BIRC6: variants seen among roughly 807,000 people sequenced by gnomAD.
BIRC6 encodes the protein dual E2 ubiquitin-conjugating enzyme/E3 ubiquitin-protein ligase BIRC6.
Under a neutral mutation model 503.3 loss-of-function variants are expected in BIRC6, and 98 were observed. The ratio of observed to expected loss-of-function variants is 0.19; its 90% CI spans 0.17 to 0.23. BIRC6 has a LOEUF of 0.23. BIRC6 is among the 10% of genes least tolerant of loss of function. The pLI is 1.00. For synonymous variants in BIRC6, 2,240 were observed against 2,078.7 expected, an observed-to-expected ratio of 1.08 and a Z score of -2.11; for missense variants, 5,360 against 5,806.0, an observed-to-expected ratio of 0.92 and a Z score of 2.50.
At chr2:32,440,422 C>G (rs1384759802) in intron 16 of BIRC6, among the ~76,000 whole-genome samples, 1 of 152,148 alleles carries the variant, frequency 6.6e-6, no homozygotes, top group Non-Finnish European at 1.5e-5. Context: ...GGTTGATTTT[C>G]TGAAAGTAGC....
chr2:32,443,797 C>T (rs968579477), intron 20 of BIRC6, among the ~76,000 whole-genome samples: 3 of 152,144 alleles, frequency 2.0e-5, no homozygotes, highest in African/African-American at 7.2e-5. Flanking sequence ...GGAGCAGTTA[C>T]GTTAATATCA....
At chr2:32,542,146 A>G (rs2057711053) in intron 61 of BIRC6, among the ~76,000 whole-genome samples, 1 of 152,050 alleles carries the variant, frequency 6.6e-6, no homozygotes, top group Non-Finnish European at 1.5e-5. Flanking sequence ...ACACATGTAT[A>G]CATACATGTA....
At chr2:32,510,477 G>C in intron 52 of BIRC6, 49 bp from the exon 53 acceptor site, 1 of 1,101,322 alleles carries the variant, frequency 9.1e-7, no homozygotes, top group Non-Finnish European at 1.4e-6. Context: ...TCTTCCCATG[G>C]TTAACTTGCT....
intron 57 of BIRC6, chr2:32,523,489 T>C (rs2149846285): frequency 6.6e-6 from 1 of 152,346 alleles, no homozygotes; most frequent in South Asian, 2.1e-4. Flanking sequence ...TGTCAGTATG[T>C]TTGCCATTTT....
intron 15 of BIRC6, among the ~76,000 whole-genome samples, chr2:32,437,450 C>G (rs937898344): frequency 6.6e-6 from 1 of 152,172 alleles, no homozygotes; most frequent in African/African-American, 2.4e-5. Flanking sequence ...AAGAAAATAA[C>G]TGACCAACTA....
chr2:32,596,397 T>C (rs1034386088), intron 68 of BIRC6, among the ~76,000 whole-genome samples: 1 of 151,408 alleles, frequency 6.6e-6, no homozygotes, highest in Non-Finnish European at 1.5e-5. Context: ...GGAGAATCAT[T>C]TGAACCCGGG....
intron 1 of BIRC6, among the ~76,000 whole-genome samples, chr2:32,363,560 A>G (rs1279175796): frequency 6.6e-6 from 1 of 152,116 alleles, no homozygotes; most frequent in Admixed American, 6.6e-5. Context: ...TACTTCCTGA[A>G]ATAATGCCCC....
rs553047711 is a variant in BIRC6, at chr2:32,561,723, G to GTATA, written c.13144+12256_13144+12259dup. Among the ~76,000 whole-genome samples the GTATA allele has an allele frequency of 3.0e-3, 442 of 145,536 alleles. 2 individuals carry two copies. Among genetic ancestry groups the GTATA allele is most frequent in the African/African-American group, 7.9e-3 (313 of 39,668 alleles). Reference sequence around the variant, plus strand: ...TATGAAGAAATAATGCTTTAATCATGTATATATATATATATATTTATTTAT... The same window carrying GTATA: ...TATGAAGAAATAATGCTTTAATCATGTATATATATATATATATATATTTATTTAT... On this transcript the variant is annotated intron_variant, in intron 65 of 73. Coordinates refer to ENST00000421745, the MANE Select transcript of BIRC6 (RefSeq NM_016252.4).
chr2:32,545,959 G>T, intron 63 of BIRC6, 99 bp downstream of exon 63: 1 of 1,087,370 alleles, frequency 9.2e-7, no homozygotes, highest in Non-Finnish European at 1.3e-6. Flanking sequence ...CAGAGACTTG[G>T]GTGTTCCATT....
chr2:32,452,645 A>G (rs1050792582), intron 22 of BIRC6, among the ~76,000 whole-genome samples: 1 of 152,182 alleles, frequency 6.6e-6, no homozygotes, highest in South Asian at 2.1e-4. Context: ...TATTCTTCCT[A>G]TGAATCCCCT....
At chr2:32,597,190 T>G (rs2061729328) in intron 68 of BIRC6, among the ~76,000 whole-genome samples, 1 of 152,254 alleles carries the variant, frequency 6.6e-6, no homozygotes, top group Non-Finnish European at 1.5e-5. Flanking sequence ...ATAATATGAT[T>G]GGCTGCCATT....
intron 65 of BIRC6, among the ~76,000 whole-genome samples, chr2:32,555,423 G>A (rs2058705470): frequency 6.6e-6 from 1 of 151,448 alleles, no homozygotes; most frequent in African/African-American, 2.4e-5. Flanking sequence ...GGCAGATCAT[G>A]AGGTCGGGAC....
At chr2:32,437,335 G>A (rs1349321346) in intron 15 of BIRC6, among the ~76,000 whole-genome samples, 1 of 152,128 alleles carries the variant, frequency 6.6e-6, no homozygotes, top group Non-Finnish European at 1.5e-5. Flanking sequence ...GACGTTTTCA[G>A]CTTTTGTATT....
At chr2:32,389,555 C>T (rs2038942327) in intron 4 of BIRC6, among the ~76,000 whole-genome samples, 1 of 152,148 alleles carries the variant, frequency 6.6e-6, no homozygotes, top group African/African-American at 2.4e-5. Flanking sequence ...ACCAGTGACA[C>T]ATTCATTTAA....
intron 8 of BIRC6, among the ~76,000 whole-genome samples, chr2:32,403,056 G>A (rs1001645015): frequency 7.2e-5 from 11 of 152,146 alleles, no homozygotes; most frequent in Admixed American, 5.2e-4. Context: ...ATCTAGGGTC[G>A]AAGGTCAATT....
At chr2:32,477,733 TAC>T (rs2049928015) in intron 35 of BIRC6, 150 bp downstream of exon 35, 7 of 118,164 alleles carry the variant, frequency 5.9e-5, no homozygotes, top group African/African-American at 9.6e-5. Flanking sequence ...ACCCCGTCTC[TAC>T]AAAAAAAAAA....
intron 66 of BIRC6, among the ~76,000 whole-genome samples, chr2:32,588,183 A>T (rs1216549521): frequency 6.6e-6 from 1 of 152,062 alleles, no homozygotes; most frequent in African/African-American, 2.4e-5. Context: ...GTGAAACCCC[A>T]TCTCTACTAA....
intron 57 of BIRC6, among the ~76,000 whole-genome samples, chr2:32,519,538 G>T (rs1169624448): frequency 1.3e-5 from 2 of 151,956 alleles, no homozygotes; most frequent in African/African-American, 2.4e-5. Context: ...ATTTTGAGAG[G>T]GGGGTCTCAC....
intron 21 of BIRC6, among the ~76,000 whole-genome samples, chr2:32,446,771 T>TTTTTTA (rs1491460454): frequency 9.0e-6 from 1 of 110,672 alleles, no homozygotes; most frequent in Non-Finnish European, 1.9e-5. Flanking sequence ...TTTTTTTTTT[T>TTTTTTA]ATTGATCATT....
Sources: gnomAD v4.1 joint callset for allele counts (sites outside exome capture counted in the v4.1 genomes callset) on GRCh38, gnomAD v4.1.1 for gene constraint, MANE v1.5 for transcripts, NCBI Gene and HGNC (gene_info 2026-07-23, HGNC 2026-07-21) for gene names.